Variants in LINGO1 observed in about 807,000 individuals in gnomAD.
LINGO1 encodes leucine rich repeat and Ig domain containing 1, also known as leucine-rich repeat and immunoglobulin-like domain-containing nogo receptor-interacting protein 1.
In LINGO1, 11 loss-of-function variants were observed where a neutral mutation model predicts 37.3. The observed-to-expected ratio is 0.29, with a 90% CI of 0.19 to 0.49. The LOEUF is 0.49. Among genes scored for constraint, LINGO1 ranks in the 20% least tolerant of loss-of-function variants. LINGO1 has a pLI of 0.99. For synonymous variants in LINGO1, 387 were observed against 403.0 expected (o/e 0.96, Z 0.48); for missense variants, 585 against 878.2 (o/e 0.67, Z 4.22).
chr15:77,722,926 G>T (rs910959575), intron 2 of LINGO1, among the ~76,000 whole-genome samples: 2 of 152,192 alleles, frequency 1.3e-5, no homozygotes, highest in African/African-American at 4.8e-5. Flanking sequence ...GAAAGCACCA[G>T]CAGGGCGCTC....
At chr15:77,768,756 G>A (rs1295946230) in intron 1 of LINGO1, among the ~76,000 whole-genome samples, 1 of 152,180 alleles carries the variant, frequency 6.6e-6, no homozygotes, top group East Asian at 1.9e-4. Flanking sequence ...GGGCCTGTCA[G>A]AGGACGGCAG....
At chr15:77,664,170 T>TGTGTGTGCGCGCGCGCGC in intron 3 of LINGO1, among the ~76,000 whole-genome samples, 28 of 131,000 alleles carry the variant, frequency 2.1e-4, no homozygotes, top group African/African-American at 9.2e-4. Context: ...TGTGTGTGTG[T>TGTGTGTGCGCGCGCGCGC]GCGCGCGCGC....
intron 3 of LINGO1, chr15:77,676,998 G>C (rs1460559400): frequency 2.6e-5 from 4 of 152,308 alleles, no homozygotes; most frequent in African/African-American, 9.7e-5. Context: ...CTAAACGCCA[G>C]CCTGAGTCAG....
intron 2 of LINGO1, among the ~76,000 whole-genome samples, chr15:77,792,620 G>A (rs528537659): frequency 2.0e-4 from 31 of 152,330 alleles, no homozygotes; most frequent in Non-Finnish European, 2.6e-4. Context: ...GAAGAGCTCC[G>A]ATTTCATGCC....
intron 1 of LINGO1, among the ~76,000 whole-genome samples, chr15:77,749,996 A>G (rs1212129281): frequency 6.6e-6 from 1 of 151,966 alleles, no homozygotes; most frequent in Non-Finnish European, 1.5e-5. Flanking sequence ...GGAGAAAGTG[A>G]GCCTGTGAAG....
At chr15:77,773,259 T>A (rs1360869690) in intron 1 of LINGO1, among the ~76,000 whole-genome samples, 1 of 152,206 alleles carries the variant, frequency 6.6e-6, no homozygotes, top group Admixed American at 6.5e-5. Flanking sequence ...TTTGGCATGT[T>A]GCAGCAGGCT....
intron 1 of LINGO1, among the ~76,000 whole-genome samples, chr15:77,623,992 T>C (rs2074010203): frequency 6.7e-6 from 1 of 150,172 alleles, no homozygotes; most frequent in Non-Finnish European, 1.5e-5. Context: ...GTGTGTGATG[T>C]GTGTGAGTGG....
intron 2 of LINGO1, among the ~76,000 whole-genome samples, chr15:77,681,285 T>C (rs561339530): frequency 6.6e-6 from 1 of 152,206 alleles, no homozygotes; most frequent in East Asian, 1.9e-4. Context: ...GAGGTTTTCA[T>C]CCTGCTTGAA....
At position 77,710,523 on chromosome 15, in the gene LINGO1, G is replaced by A. The variant is rs569395196; in HGVS notation, c.-194-19622C>T. ...GGCAGGCTGCCTCTGTTCTCTGATCGCAGTTTGATGCCAAAACCTTGTTCT... is the reference window on the plus strand; with the variant it reads ...GGCAGGCTGCCTCTGTTCTCTGATCACAGTTTGATGCCAAAACCTTGTTCT... On this transcript the variant is annotated intron_variant, in intron 2 of 3. Coordinates refer to the LINGO1 transcript ENST00000561686. 4.6e-5 allele frequency among the ~76,000 whole-genome samples: 7 copies of A among 152,308 alleles called. No homozygotes were observed. The South Asian group carries it at 8.3e-4, about 18-fold the overall frequency.
At chr15:77,619,904 ACATG>A (rs1313195697) in intron 1 of LINGO1, among the ~76,000 whole-genome samples, 1 of 152,128 alleles carries the variant, frequency 6.6e-6, no homozygotes, top group East Asian at 1.9e-4. Flanking sequence ...CATGCCTCTT[ACATG>A]CGGCTGCCCT....
chr15:77,738,876 C>T (rs1162736652), intron 1 of LINGO1, among the ~76,000 whole-genome samples: 1 of 152,202 alleles, frequency 6.6e-6, no homozygotes, highest in Non-Finnish European at 1.5e-5. Flanking sequence ...TGTTCTTACT[C>T]CCTACATGAA....
intron 1 of LINGO1, among the ~76,000 whole-genome samples, chr15:77,754,436 C>A (rs2141371859): frequency 6.6e-6 from 1 of 152,356 alleles, no homozygotes; most frequent in Middle Eastern, 3.4e-3. Flanking sequence ...CCGGCAGAAA[C>A]TCCATAATTA....
chr15:77,621,804 G>C (rs917327400), intron 1 of LINGO1, among the ~76,000 whole-genome samples: 1 of 152,240 alleles, frequency 6.6e-6, no homozygotes, highest in Non-Finnish European at 1.5e-5. Context: ...ACCTAATGTG[G>C]GGCTGGCTGA....
At chr15:77,800,962 C>T (rs1020550543) in intron 1 of LINGO1, among the ~76,000 whole-genome samples, 12 of 152,144 alleles carry the variant, frequency 7.9e-5, no homozygotes, top group African/African-American at 2.9e-4. Flanking sequence ...ATGAAAGTGA[C>T]ATGCTACCAT....
intron 1 of LINGO1, among the ~76,000 whole-genome samples, chr15:77,809,341 G>A (rs1596250756): frequency 1.3e-5 from 2 of 152,238 alleles, no homozygotes; most frequent in African/African-American, 4.8e-5. Context: ...ATCCGGGGAA[G>A]CCAGGCAGTC....
Position 77,615,049 on chromosome 15 carries a change from T to A in LINGO1, c.858A>T (p.Leu286=). The A allele has an allele frequency of 6.2e-7, 1 of 1,613,860 alleles. No individual in the cohort carries two copies. The highest frequency in any genetic ancestry group is 8.5e-7 in the Non-Finnish European group (1 of 1,179,856). Residue 286 remains leucine (L), a synonymous_variant, in exon 2 of 2, where the codon CTA becomes CTT. Transcript: ENST00000355300. ...AGAGGTTGAGGAAGCGGAGATAGAC[T>A]AGGTGGCGGACGGCCAGGTAGGGCA... ...TAVPYLAVRH[L]VYLRFLNLSY...
intron 1 of LINGO1, among the ~76,000 whole-genome samples, chr15:77,764,104 C>G (rs531163072): frequency 1.3e-5 from 2 of 152,340 alleles, no homozygotes; most frequent in Admixed American, 6.5e-5. Flanking sequence ...CACTTTGAAG[C>G]CTTGTGCACT....
intron 3 of LINGO1, among the ~76,000 whole-genome samples, chr15:77,641,109 C>A (rs2074495770): frequency 6.6e-6 from 1 of 152,218 alleles, no homozygotes; most frequent in Non-Finnish European, 1.5e-5. Context: ...GGTGCAAAGG[C>A]TGGGCCCTGG....
At chr15:77,716,795 T>C (rs1374045466) in intron 2 of LINGO1, among the ~76,000 whole-genome samples, 1 of 150,164 alleles carries the variant, frequency 6.7e-6, no homozygotes, top group Non-Finnish European at 1.5e-5. Context: ...TAAGATCCCT[T>C]TGTAATGGTG....
Sources: gnomAD v4.1 joint callset for allele counts (sites outside exome capture counted in the v4.1 genomes callset) on GRCh38, gnomAD v4.1.1 for gene constraint, MANE v1.5 for transcripts, NCBI Gene and HGNC (gene_info 2026-07-23, HGNC 2026-07-21) for gene names.